Variants in GSTCD observed in about 807,000 individuals in gnomAD.
The protein encoded by GSTCD is glutathione S-transferase C-terminal domain containing.
A neutral mutation model predicts 68.3 loss-of-function variants in GSTCD; 44 were observed. The observed-to-expected ratio is 0.64, with a 90% CI of 0.51 to 0.83. The LOEUF (loss-of-function observed/expected upper bound fraction) is 0.83. Ranked by LOEUF, GSTCD falls within the 40% of genes least tolerant of loss-of-function variation. The pLI is 0.00. For missense variants in GSTCD, 739 were observed against 735.9 expected (o/e 1.00, Z -0.05); for synonymous variants, 273 against 255.2 (o/e 1.07, Z -0.67).
At chr4:105,832,244 C>G (rs1403732691) in intron 8 of GSTCD, among the ~76,000 whole-genome samples, 1 of 151,974 alleles carries the variant, frequency 6.6e-6, no homozygotes, top group African/African-American at 2.4e-5. Context: ...TGATAAATTT[C>G]CATATCCAAT....
chr4:105,751,298 A>G (rs936050232), intron 5 of GSTCD, among the ~76,000 whole-genome samples: 4 of 152,202 alleles, frequency 2.6e-5, no homozygotes, highest in Non-Finnish European at 5.9e-5. Flanking sequence ...AAGCAGAAAT[A>G]TTTGGAAAAA....
intron 8 of GSTCD, among the ~76,000 whole-genome samples, chr4:105,829,738 C>T (rs1723819191): frequency 6.6e-6 from 1 of 152,052 alleles, no homozygotes; most frequent in Non-Finnish European, 1.5e-5. Context: ...ATAGTCAAAC[C>T]ATATCAAGAC....
intron 5 of GSTCD, among the ~76,000 whole-genome samples, chr4:105,734,098 TTC>T (rs1357443668): frequency 6.6e-6 from 1 of 152,234 alleles, no homozygotes; most frequent in Non-Finnish European, 1.5e-5. Context: ...ACCCCGACCT[TTC>T]TCTCTGGCTG....
chr4:105,776,541 G>A (rs1337678227), intron 5 of GSTCD, among the ~76,000 whole-genome samples: 1 of 152,188 alleles, frequency 6.6e-6, no homozygotes, highest in African/African-American at 2.4e-5. Context: ...GTGCTGAAGT[G>A]CACCTTTCCT....
rs796970822 is a variant in GSTCD, at chr4:105,791,860, C to T, written c.1241-31094C>T. On this transcript the variant is annotated intron_variant, in intron 5 of 11. Coordinates refer to ENST00000515279, the MANE Select transcript of GSTCD (RefSeq NM_001370181.1). ...ACTTTTAGCATGTTGGTAATTTTTTCGTAGCACTACTAGACCAAAGGAAAT... is the reference window on the plus strand; with the variant it reads ...ACTTTTAGCATGTTGGTAATTTTTTTGTAGCACTACTAGACCAAAGGAAAT... Among the ~76,000 whole-genome samples, 4 of 152,074 alleles carry T rather than the reference C, an allele frequency of 2.6e-5. 1 individual carries two copies. The highest frequency in any genetic ancestry group is 9.7e-5 in the African/African-American group (4 of 41,442).
At chr4:105,717,527 C>A in intron 1 of GSTCD, 66 bp from the exon 2 acceptor site, 2 of 996,056 alleles carry the variant, frequency 2.0e-6, no homozygotes, top group African/African-American at 1.6e-5. Flanking sequence ...TTGAAACATT[C>A]ATCTTTTATT....
At chr4:105,797,117 C>A (rs1016614897) in intron 5 of GSTCD, among the ~76,000 whole-genome samples, 3 of 150,166 alleles carry the variant, frequency 2.0e-5, no homozygotes, top group East Asian at 3.9e-4. Context: ...GCAGAGGAGG[C>A]CAAGTTTGTC....
chr4:105,737,678 C>T (rs28783387), intron 5 of GSTCD, among the ~76,000 whole-genome samples: 2,073 of 152,302 alleles, frequency 0.014, 31 homozygotes, highest in African/African-American at 0.036. Flanking sequence ...ATAAGGTCTA[C>T]ATATGGATAT....
chr4:105,847,497 GTTTTGAC>G lies in GSTCD; in HGVS notation c.*1921_*1927del, dbSNP rs1208285530. 10 of 152,024 alleles carry G rather than the reference GTTTTGAC, an allele frequency of 6.6e-5. No individual in the cohort carries two copies. Among genetic ancestry groups the G allele is most frequent in the Non-Finnish European group, 1.5e-4 (10 of 67,998 alleles). 9.4% of individuals were successfully genotyped at this position (152,024 alleles called of 1,614,324 possible). On this transcript the variant is annotated 3_prime_UTR_variant, in exon 12 of 12. Transcript: ENST00000515279. Reference sequence around the variant, plus strand: ...AGATTTTTAAGTATTCATTTGAGATGTTTTGACAACTGTATATATACATGTAACCATC... The same window carrying G: ...AGATTTTTAAGTATTCATTTGAGATGAACTGTATATATACATGTAACCATC...
chr4:105,712,136 C>A (rs1732557591), intron 1 of GSTCD, among the ~76,000 whole-genome samples: 1 of 152,120 alleles, frequency 6.6e-6, no homozygotes, highest in Non-Finnish European at 1.5e-5. Context: ...ATTCCTTGAA[C>A]TAAAGTTTCA....
Position 105,834,559 on chromosome 4 carries a change from C to CT in GSTCD, c.1629_1630insT (p.Ile544TyrfsTer13). ...TCACATGCCCTTGCTGTTATGGTTT[C>CT]ATTCAGAACACCTCAAAGTTCAATT... On this transcript the variant is annotated frameshift_variant, in exon 9 of 12. Transcript: ENST00000515279. LOFTEE classifies it high-confidence loss of function. 6.2e-7 allele frequency: 1 copy of CT among 1,614,058 alleles called. No individual in the cohort carries two copies. The highest frequency in any genetic ancestry group is 8.5e-7 in the Non-Finnish European group (1 of 1,179,968).
chr4:105,728,244 T>C (rs903742120), intron 4 of GSTCD, among the ~76,000 whole-genome samples: 2 of 152,206 alleles, frequency 1.3e-5, no homozygotes, highest in African/African-American at 4.8e-5. Flanking sequence ...GTGAATATTA[T>C]AAAAACCACT....
At chr4:105,815,845 G>A (rs907055915) in intron 5 of GSTCD, among the ~76,000 whole-genome samples, 2 of 152,086 alleles carry the variant, frequency 1.3e-5, no homozygotes, top group Admixed American at 1.3e-4. Flanking sequence ...GGTCTTGTGG[G>A]CAACTTAGAC....
chr4:105,725,198 G>T (rs1263565025), intron 3 of GSTCD, among the ~76,000 whole-genome samples: 2 of 151,922 alleles, frequency 1.3e-5, no homozygotes, highest in East Asian at 3.9e-4. Flanking sequence ...TTCTATTGAT[G>T]GTTGTTTTCC....
chr4:105,712,990 G>A (rs1166375384), intron 1 of GSTCD, among the ~76,000 whole-genome samples: 2 of 152,094 alleles, frequency 1.3e-5, no homozygotes, highest in African/African-American at 4.8e-5. Context: ...CCAGAACAGT[G>A]CTGTCATATT....
rs541326827 is a variant in GSTCD, at chr4:105,735,416, A to G, written c.1240+5917A>G. Among the ~76,000 whole-genome samples the G allele has an allele frequency of 3.1e-4, 47 of 152,252 alleles. No individual in the cohort carries two copies. In the South Asian group the frequency reaches 5.0e-3, roughly 16 times the overall value. On this transcript the variant is annotated intron_variant, in intron 5 of 11. Coordinates refer to ENST00000515279, the MANE Select transcript of GSTCD (RefSeq NM_001370181.1). ...AGCCTCGCTGCTGCCTTGCAGTTCT[A>G]TCTCAGACTGCTGTGCTAGCAATGA...
intron 5 of GSTCD, among the ~76,000 whole-genome samples, chr4:105,757,045 G>C (rs527366758): frequency 6.6e-6 from 1 of 152,112 alleles, no homozygotes; most frequent in African/African-American, 2.4e-5. Context: ...TAACCTAAGG[G>C]ACTGGAGTTT....
intron 5 of GSTCD, among the ~76,000 whole-genome samples, chr4:105,811,427 G>C (rs1722744036): frequency 6.6e-6 from 1 of 150,652 alleles, no homozygotes; most frequent in South Asian, 2.1e-4. Context: ...AGAGAATGAT[G>C]AGATTATGGG....
intron 5 of GSTCD, among the ~76,000 whole-genome samples, chr4:105,768,089 G>A (rs2149241135): frequency 6.7e-6 from 1 of 150,074 alleles, no homozygotes; most frequent in East Asian, 2.0e-4. Flanking sequence ...AGGGTGGAGT[G>A]CAGTGGCGCG....
Sources: gnomAD v4.1 joint callset for allele counts (sites outside exome capture counted in the v4.1 genomes callset) on GRCh38, gnomAD v4.1.1 for gene constraint, MANE v1.5 for transcripts, NCBI Gene and HGNC (gene_info 2026-07-23, HGNC 2026-07-21) for gene names.